The following LONP2 variants were observed in gnomAD, a reference collection of about 807,000 sequenced individuals.
LONP2 encodes lon peptidase 2, peroxisomal, also known as lon protease homolog 2, peroxisomal.
Under a neutral mutation model 85.6 loss-of-function variants are expected in LONP2, and 60 were observed. The ratio of observed to expected loss-of-function variants is 0.70; its 90% CI spans 0.57 to 0.87. The LOEUF (loss-of-function observed/expected upper bound fraction) is 0.87. LONP2 is among the 40% of genes least tolerant of loss of function. The pLI, the probability that LONP2 is intolerant of heterozygous loss-of-function variation, is 0.00. For synonymous variants in LONP2, 395 were observed against 389.7 expected (o/e 1.01, Z -0.16); for missense variants, 860 against 1,063.5 (o/e 0.81, Z 2.66).
At chr16:48,320,159 CAAAAAA>C (rs80118943) in intron 11 of LONP2, among the ~76,000 whole-genome samples, 2 of 56,704 alleles carry the variant, frequency 3.5e-5, no homozygotes, top group African/African-American at 6.2e-5. Flanking sequence ...GACTCTGTCT[CAAAAAA>C]AAAAAAAAAA....
intron 11 of LONP2, among the ~76,000 whole-genome samples, chr16:48,333,945 C>G (rs1461523174): frequency 6.6e-6 from 1 of 152,198 alleles, no homozygotes; most frequent in Non-Finnish European, 1.5e-5. Context: ...TGTTTCCCTT[C>G]TGGAACTTAC....
At chr16:48,284,434 G>A (rs1972394002) in intron 8 of LONP2, among the ~76,000 whole-genome samples, 1 of 152,090 alleles carries the variant, frequency 6.6e-6, no homozygotes, top group Non-Finnish European at 1.5e-5. Flanking sequence ...TTTTACTGTT[G>A]CCTTATTTTA....
rs1383521856 is a variant in LONP2 at position 48,352,812 on chromosome 16, AGCT to A, written c.*1011_*1013del. ...GATGCCTGCAACCTCAGAAGAGTGC[AGCT>A]CCCAGAGGGAGGCAGCCATCCATCT... On this transcript the variant is annotated 3_prime_UTR_variant, in exon 15 of 15. Transcript: ENST00000285737. 1 of 152,258 alleles carries A rather than the reference AGCT, an allele frequency of 6.6e-6. No homozygotes were observed. The highest frequency in any genetic ancestry group is 6.5e-5 in the Admixed American group (1 of 15,280). 9.4% of individuals were successfully genotyped at this position (152,258 alleles called of 1,614,324 possible).
At chr16:48,338,649 T>G (rs555367700) in intron 12 of LONP2, among the ~76,000 whole-genome samples, 2 of 152,302 alleles carry the variant, frequency 1.3e-5, no homozygotes, top group South Asian at 4.1e-4. Flanking sequence ...GGCTCATGCC[T>G]GTAATCCCAG....
At chr16:48,246,028 T>C (rs1214596864) in intron 1 of LONP2, among the ~76,000 whole-genome samples, 1 of 152,182 alleles carries the variant, frequency 6.6e-6, no homozygotes, top group Non-Finnish European at 1.5e-5. Flanking sequence ...TGTCTTATTT[T>C]TCCTCAAAAT....
At chr16:48,323,650 C>CT (rs760836008) in intron 11 of LONP2, among the ~76,000 whole-genome samples, 12 of 146,976 alleles carry the variant, frequency 8.2e-5, no homozygotes, top group Non-Finnish European at 1.3e-4. Context: ...AGGTGAGACT[C>CT]TGTCTCCAAA....
At chr16:48,298,227 G>A (rs1208513399) in intron 9 of LONP2, among the ~76,000 whole-genome samples, 1 of 152,062 alleles carries the variant, frequency 6.6e-6, no homozygotes, top group African/African-American at 2.4e-5. Context: ...CTTTCCTGGT[G>A]TTTACTAACC....
At chr16:48,309,094 A>C (rs1406833550) in intron 11 of LONP2, among the ~76,000 whole-genome samples, 1 of 152,226 alleles carries the variant, frequency 6.6e-6, no homozygotes, top group Non-Finnish European at 1.5e-5. Flanking sequence ...AAAATCTATG[A>C]GATACCATCT....
intron 3 of LONP2, among the ~76,000 whole-genome samples, chr16:48,258,345 C>CA (rs75252938): frequency 8.6e-4 from 93 of 107,608 alleles, no homozygotes; most frequent in Non-Finnish European, 1.1e-3. Context: ...GATTCCGTCT[C>CA]AAAAAAAAAA....
chr16:48,303,162 T>C lies in LONP2; in HGVS notation c.1662-10T>C, dbSNP rs772435615. ...ATAGTCAAAAATAAAATATTTTTGT[T>C]TGATGACAGGTATACCAGAGAGGCA... is the stretch of plus-strand genomic sequence containing the variant. On this transcript the variant is annotated splice_polypyrimidine_tract_variant and intron_variant, in intron 10 of 14. Coordinates refer to ENST00000285737, the MANE Select transcript of LONP2 (RefSeq NM_031490.5). The C allele has an allele frequency of 1.9e-6, 3 of 1,612,884 alleles. No homozygotes were observed. The African/African-American group carries it at 4.0e-5, about 22-fold the overall frequency.
intron 1 of LONP2, among the ~76,000 whole-genome samples, chr16:48,250,373 T>C (rs1899285396): frequency 6.6e-6 from 1 of 151,974 alleles, no homozygotes; most frequent in South Asian, 2.1e-4. Flanking sequence ...TCCCAGCTAC[T>C]TGGGAGGCTG....
At chr16:48,254,334 T>C (rs890354877) in intron 2 of LONP2, among the ~76,000 whole-genome samples, 1 of 152,026 alleles carries the variant, frequency 6.6e-6, no homozygotes, top group Admixed American at 6.6e-5. Flanking sequence ...CTGCCTTCAG[T>C]TCTCTGCTGG....
At chr16:48,357,376 A>G (rs574448277), downstream of LONP2, 3 of 152,334 alleles carry the variant, frequency 2.0e-5, no homozygotes, top group Non-Finnish European at 2.9e-5. Context: ...CATAAGCAGT[A>G]AACTACCAAA....
At chr16:48,284,175 A>G (rs935876295) in intron 8 of LONP2, among the ~76,000 whole-genome samples, 2 of 152,208 alleles carry the variant, frequency 1.3e-5, no homozygotes, top group Admixed American at 1.3e-4. Flanking sequence ...GTTTCTTGAA[A>G]TGGAATCTAG....
intron 2 of LONP2, 137 bp from the exon 3 acceptor site, chr16:48,256,473 A>T (rs1367663570): frequency 1.2e-6 from 1 of 811,270 alleles, no homozygotes; most frequent in Non-Finnish European, 2.0e-6. Context: ...CCTGTAAAAT[A>T]CGTGGACTAT....
chr16:48,249,793 A>G (rs146421526), intron 1 of LONP2, among the ~76,000 whole-genome samples: 92 of 152,374 alleles, frequency 6.0e-4, no homozygotes, highest in Non-Finnish European at 7.5e-4. Context: ...CAATTAAGGC[A>G]TGTATACATC....
intron 7 of LONP2, among the ~76,000 whole-genome samples, chr16:48,274,884 AATTTT>A (rs1188185264): frequency 1.3e-5 from 2 of 152,096 alleles, no homozygotes; most frequent in African/African-American, 4.8e-5. Flanking sequence ...ATTCTTTGTA[AATTTT>A]ATTTTAACAG....
At chr16:48,248,756 G>T (rs954223512) in intron 1 of LONP2, among the ~76,000 whole-genome samples, 3 of 151,938 alleles carry the variant, frequency 2.0e-5, no homozygotes, top group Admixed American at 2.0e-4. Context: ...GGTGGCACGT[G>T]CCTGTACTCC....
intron 11 of LONP2, among the ~76,000 whole-genome samples, chr16:48,326,609 G>A (rs1482197460): frequency 6.6e-6 from 1 of 152,164 alleles, no homozygotes; most frequent in Non-Finnish European, 1.5e-5. Flanking sequence ...GGAATTGTGG[G>A]TGTTGCGCTT....
Sources: allele counts gnomAD v4.1 joint callset (sites outside exome capture counted in the v4.1 genomes callset), GRCh38; gene constraint gnomAD v4.1.1; transcripts MANE v1.5; gene names NCBI Gene and HGNC (gene_info 2026-07-23, HGNC 2026-07-21).